RYR2: variants seen among roughly 807,000 people sequenced by gnomAD.
RYR2 encodes ryanodine receptor 2.
A neutral mutation model predicts 601.1 loss-of-function variants in RYR2; 227 were observed. That is an observed-to-expected ratio of 0.38 (90% confidence interval 0.34 to 0.42). RYR2 has a LOEUF of 0.42. Ranked by LOEUF, RYR2 falls within the 10% of genes least tolerant of loss-of-function variation. The pLI, the probability that RYR2 is intolerant of heterozygous loss-of-function variation, is 1.00. For synonymous variants in RYR2, 2,223 were observed against 2,175.1 expected, an observed-to-expected ratio of 1.02 and a Z score of -0.61; for missense variants, 4,646 against 6,156.5, an observed-to-expected ratio of 0.75 and a Z score of 8.21.
chr1:237,735,054 T>G (rs1458370375), intron 79 of RYR2, among the ~76,000 whole-genome samples: 1 of 152,122 alleles, frequency 6.6e-6, no homozygotes, highest in Non-Finnish European at 1.5e-5. Flanking sequence ...ACCTTAAGTG[T>G]GAGCTAACAT....
chr1:237,231,227 A>G, intron 1 of RYR2, among the ~76,000 whole-genome samples: 1 of 152,128 alleles, frequency 6.6e-6, no homozygotes, highest in African/African-American at 2.4e-5. Flanking sequence ...AGTGGGGGTG[A>G]AATGAATGCT....
chr1:237,778,474 G>C (rs1694839639), intron 87 of RYR2, among the ~76,000 whole-genome samples, 192 bp from the exon 88 acceptor site: 1 of 151,638 alleles, frequency 6.6e-6, no homozygotes, highest in African/African-American at 2.4e-5. Flanking sequence ...TTTTAAAGAG[G>C]AACGTATTTC....
chr1:237,742,693 C>T (rs550083039), intron 80 of RYR2, among the ~76,000 whole-genome samples: 3 of 152,226 alleles, frequency 2.0e-5, no homozygotes, highest in African/African-American at 7.2e-5. Flanking sequence ...AACATGATGT[C>T]AAGTTTTTCA....
At chr1:237,698,420 G>A (rs990150220) in intron 63 of RYR2, among the ~76,000 whole-genome samples, 3 of 151,526 alleles carry the variant, frequency 2.0e-5, no homozygotes, top group Non-Finnish European at 4.4e-5. Flanking sequence ...TTTACATGAC[G>A]TTTTGGTGCT....
chr1:237,703,155 T>A (rs1688098269), intron 66 of RYR2, among the ~76,000 whole-genome samples: 1 of 152,002 alleles, frequency 6.6e-6, no homozygotes, highest in South Asian at 2.1e-4. Flanking sequence ...GAATTATAGG[T>A]CAAAGGGTAT....
intron 43 of RYR2, 50 bp from the exon 44 acceptor site, chr1:237,634,839 A>T: frequency 7.2e-7 from 1 of 1,394,364 alleles, no homozygotes; most frequent in Non-Finnish European, 1.0e-6. Context: ...TATGGAGTTT[A>T]TAGTTACAGC....
At chr1:237,671,540 C>T (rs574076221) in intron 58 of RYR2, among the ~76,000 whole-genome samples, 146 of 148,000 alleles carry the variant, frequency 9.9e-4, no homozygotes, top group Non-Finnish European at 1.7e-3. Context: ...TGTGTGTGTG[C>T]GTGTGAGAGA....
chr1:237,283,662 C>T (rs1396628607), intron 2 of RYR2, among the ~76,000 whole-genome samples: 8 of 152,158 alleles, frequency 5.3e-5, no homozygotes, highest in African/African-American at 1.9e-4. Flanking sequence ...CCACTGTCTT[C>T]CTGTTTCAAG....
chr1:237,508,769 G>C (rs1665542597), intron 23 of RYR2, among the ~76,000 whole-genome samples: 2 of 113,402 alleles, frequency 1.8e-5, no homozygotes, highest in African/African-American at 6.4e-5. Context: ...TTGAGACGGA[G>C]TCTTGCTCTG....
Position 237,819,941 on chromosome 1 carries a change from C to T in RYR2, c.14590+749C>T, listed in dbSNP as rs1223048693. Reference sequence around the variant, plus strand: ...GGGGCTCACGCCTGTAATCCCAGCACTTTGAGAGACTGAGGTGGGTGGATC... The same window carrying T: ...GGGGCTCACGCCTGTAATCCCAGCATTTTGAGAGACTGAGGTGGGTGGATC... On this transcript the variant is annotated intron_variant, in intron 101 of 104. Transcript: ENST00000366574. This position sits in a 1 kb window ranked among gnomAD's most constrained non-coding sequence, Gnocchi z 4.0. Among the ~76,000 whole-genome samples the T allele has an allele frequency of 2.0e-5, 3 of 152,080 alleles. No homozygotes were observed. The highest frequency in any genetic ancestry group is 7.2e-5 in the African/African-American group (3 of 41,412).
intron 1 of RYR2, among the ~76,000 whole-genome samples, chr1:237,107,538 G>GAAAAAAAAAA (rs1218167557): frequency 6.7e-3 from 381 of 56,738 alleles, no homozygotes; most frequent in Non-Finnish European, 0.011. Context: ...AAAAAAAAAG[G>GAAAAAAAAAA]AAACATTGTA....
chr1:237,526,171 T>C (rs1185437727), intron 24 of RYR2, among the ~76,000 whole-genome samples: 1 of 152,104 alleles, frequency 6.6e-6, no homozygotes, highest in African/African-American at 2.4e-5. Flanking sequence ...CCACATCTTT[T>C]ATTTTTTGAC....
At chr1:237,362,250 T>C (rs1699838916) in intron 4 of RYR2, among the ~76,000 whole-genome samples, 1 of 152,232 alleles carries the variant, frequency 6.6e-6, no homozygotes, top group Non-Finnish European at 1.5e-5. Context: ...CAAAAAATTC[T>C]AAGACAGCAC....
chr1:237,661,315 G>T (rs746978030), intron 56 of RYR2, among the ~76,000 whole-genome samples: 3 of 152,018 alleles, frequency 2.0e-5, no homozygotes, highest in Non-Finnish European at 4.4e-5. Context: ...ATGGACAGAG[G>T]AAGGGGAACA....
At position 237,530,491 on chromosome 1, in the gene RYR2, A is replaced by T; in HGVS notation, c.2887A>T (p.Lys963Ter). The change falls in exon 25 of 105, where the codon AAA (lysine) becomes TAA (stop). Residue 963 changes from lysine to a stop codon, truncating the protein, a stop_gained. Transcript: ENST00000366574. LOFTEE classifies it high-confidence loss of function. ...TGAACATGCTGAAGACAAGGTGAAA[A>T]AAATGAAGCTACCCAAGAAGTAAGT... is the stretch of plus-strand genomic sequence containing the variant. Reference protein sequence around the residue: ...SDEHAEDKVKKMKLPKNYQLT... With the variant: ...SDEHAEDKVK The T allele has an allele frequency of 6.2e-7, 1 of 1,605,280 alleles. No homozygotes were observed. Among genetic ancestry groups the T allele is most frequent in the Non-Finnish European group, 8.5e-7 (1 of 1,175,520 alleles).
intron 1 of RYR2, among the ~76,000 whole-genome samples, chr1:237,109,216 A>G (rs1218174961): frequency 6.6e-6 from 1 of 151,528 alleles, no homozygotes; most frequent in Non-Finnish European, 1.5e-5. Context: ...TATATAAAAT[A>G]TATGTATTTT....
intron 1 of RYR2, among the ~76,000 whole-genome samples, chr1:237,075,321 G>C (rs893117949): frequency 2.6e-5 from 4 of 151,750 alleles, no homozygotes; most frequent in Non-Finnish European, 5.9e-5. Flanking sequence ...CCCAGCGTGA[G>C]CGACGCAGAA....
Position 237,569,198 on chromosome 1 carries a change from C to T in RYR2, c.3477C>T (p.Gly1159=), listed in dbSNP as rs780861754. The change falls in exon 29 of 105, where the codon GGC becomes GGT. Residue 1159 remains glycine (G), a synonymous_variant. Transcript: ENST00000366574. ...ACTATGGGCGCTCTTGGCAAGCAGG[C>T]GATGTCGTGGGGTGTATGGTTGACA... ...NEHYGRSWQA[G]DVVGCMVDMN... 8.1e-6 allele frequency: 13 copies of T among 1,613,860 alleles called. No homozygotes were observed. The East Asian group carries it at 8.9e-5, about 11-fold the overall frequency.
At chr1:237,167,925 G>A (rs1318102600) in intron 1 of RYR2, among the ~76,000 whole-genome samples, 2 of 152,032 alleles carry the variant, frequency 1.3e-5, no homozygotes, top group African/African-American at 4.8e-5. Flanking sequence ...GTTTAGACAA[G>A]AAAGTTCTTT....
Sources: gnomAD v4.1 joint callset for allele counts (sites outside exome capture counted in the v4.1 genomes callset) on GRCh38, gnomAD v4.1.1 for gene constraint, Gnocchi (gnomAD v3.1) non-coding constraint, MANE v1.5 for transcripts, NCBI Gene and HGNC (gene_info 2026-07-23, HGNC 2026-07-21) for gene names.